The following PPCS variants were observed in gnomAD, a reference collection of about 807,000 sequenced individuals.
PPCS encodes phosphopantothenate--cysteine ligase.
PPCS carries 17 observed loss-of-function variants against 24.6 expected under a neutral mutation model. That is an observed-to-expected ratio of 0.69 (90% CI 0.47 to 1.04). The LOEUF (loss-of-function observed/expected upper bound fraction) is 1.04. Ranked by LOEUF, PPCS falls within the 50% of genes least tolerant of loss-of-function variation. The pLI is 0.00. For missense variants in PPCS, 360 were observed against 402.8 expected, an observed-to-expected ratio of 0.89 and a Z score of 0.91; for synonymous variants, 190 against 168.3, an observed-to-expected ratio of 1.13 and a Z score of -1.00.
chr1:42,460,145 AAAAGAAGAGCTTATTG>A lies in PPCS; in HGVS notation c.*220_*235del. The A allele has an allele frequency of 7.8e-7, 1 of 1,278,864 alleles. No homozygotes were observed. 79.2% of individuals were successfully genotyped at this position (1,278,864 alleles called of 1,614,324 possible). A position where few individuals can be genotyped will look rare whatever the true frequency, so the allele number is the denominator to read the frequency against. ...ACACTAGAACTGTTAATCACCTTTA[AAAAGAAGAGCTTATTG>A]GGAATTATATATTCCTTAAAATATA... On this transcript the variant is annotated 3_prime_UTR_variant, in exon 3 of 3. Coordinates refer to ENST00000372561, the MANE Select transcript of PPCS (RefSeq NM_024664.4).
chr1:42,456,458 G>A, upstream of PPCS: 2 of 1,188,112 alleles, frequency 1.7e-6, no homozygotes, highest in Non-Finnish European at 1.1e-6. Context: ...CAAAAGAAGG[G>A]TAGTGAACCG....
chr1:42,469,807 G>GTC (rs1643708153), intron 2 of PPCS, among the ~76,000 whole-genome samples: 2 of 152,180 alleles, frequency 1.3e-5, no homozygotes, highest in African/African-American at 4.8e-5. Flanking sequence ...GGGAGACAAG[G>GTC]TCATTTGCCA....
intron 2 of PPCS, among the ~76,000 whole-genome samples, chr1:42,458,663 C>T (rs189807087): frequency 4.6e-4 from 70 of 152,246 alleles, no homozygotes; most frequent in Non-Finnish European, 7.5e-4. Context: ...TTTTTTAGGG[C>T]AAAGTCTGAT....
rs745779231 is a variant in PPCS at position 42,460,106 on chromosome 1, G to A, written c.*180G>A. On this transcript the variant is annotated 3_prime_UTR_variant, in exon 3 of 3. Coordinates refer to ENST00000372561, the MANE Select transcript of PPCS (RefSeq NM_024664.4). ...ATGACACCTGATATGATGTCATTTT[G>A]ATTTTGAAATTGAACACTAGAACTG... 24 of 1,359,388 alleles carry A rather than the reference G, an allele frequency of 1.8e-5. No homozygotes were observed. Among genetic ancestry groups the A allele is most frequent in the Non-Finnish European group, 2.1e-5 (22 of 1,060,766 alleles). 84.2% of individuals were successfully genotyped at this position (1,359,388 alleles called of 1,614,324 possible). A position where few individuals can be genotyped will look rare whatever the true frequency, so the allele number is the denominator to read the frequency against.
chr1:42,457,567 G>C (rs2148417412), intron 2 of PPCS: 2 of 579,614 alleles, frequency 3.5e-6, no homozygotes, highest in South Asian at 4.1e-5. Context: ...CTCTAGTGGA[G>C]GTATGTACAA....
intron 2 of PPCS, among the ~76,000 whole-genome samples, chr1:42,471,715 T>C (rs1197954727): frequency 6.6e-6 from 1 of 152,118 alleles, no homozygotes; most frequent in African/African-American, 2.4e-5. Context: ...TTTAGTTATA[T>C]GTCATGAAGA....
At chr1:42,462,746 T>TA (rs1272187595), downstream of PPCS, among the ~76,000 whole-genome samples, 1 of 151,908 alleles carries the variant, frequency 6.6e-6, no homozygotes, top group Non-Finnish European at 1.5e-5. Flanking sequence ...ACGTTCATCT[T>TA]ACCTGAATTT....
chr1:42,471,198 G>T (rs1039164604), intron 2 of PPCS, among the ~76,000 whole-genome samples: 2 of 152,106 alleles, frequency 1.3e-5, no homozygotes, highest in African/African-American at 4.8e-5. Flanking sequence ...CCTGAAGCCT[G>T]TACCGTCCTA....
intron 2 of PPCS, chr1:42,467,923 C>G (rs1360947784): frequency 6.6e-6 from 1 of 152,236 alleles, no homozygotes; most frequent in African/African-American, 2.4e-5. Flanking sequence ...TAGTTCTTTT[C>G]AGCCTTGCTG....
Position 42,456,903 on chromosome 1 carries a change from C to G in PPCS, c.338C>G (p.Ser113Trp), listed in dbSNP as rs1364205580. The stretch of plus-strand genomic sequence containing the variant: ...CTGCGGCCTTCGGGCCCAGCCCTTT[C>G]GGGCTTGCTGAGCCTGGAGGCCGAG... The part of the protein sequence containing the change: ...SALRPSGPAL[S>W]GLLSLEAEEN... Residue 113 changes from serine to tryptophan, a missense_variant, in exon 1 of 3, where the codon TCG becomes TGG. By Grantham distance (177) the Ser-to-Trp change is radical. Around this residue, in one of 2 missense-constraint regions of PPCS, gnomAD observed 244 missense variants for 234.7 expected, o/e 1.04. Transcript: ENST00000372561. 1.2e-6 allele frequency: 2 copies of G among 1,611,890 alleles called. No homozygotes were observed. Among genetic ancestry groups the G allele is most frequent in the Non-Finnish European group, 8.5e-7 (1 of 1,180,034 alleles).
intron 2 of PPCS, among the ~76,000 whole-genome samples, chr1:42,468,062 C>A (rs1469665117): frequency 6.6e-6 from 1 of 152,190 alleles, no homozygotes; most frequent in African/African-American, 2.4e-5. Context: ...TATCCAATTC[C>A]TGTGTAGCCA....
exon 3 of PPCS, chr1:42,473,236 A>G: frequency 2.4e-6 from 3 of 1,231,586 alleles, no homozygotes; most frequent in Non-Finnish European, 3.0e-6. Context: ...CACAGTGAAG[A>G]CAGGCTGAGG....
At chr1:42,467,088 A>G (rs887164995) in intron 2 of PPCS, among the ~76,000 whole-genome samples, 3 of 152,164 alleles carry the variant, frequency 2.0e-5, no homozygotes, top group African/African-American at 7.2e-5. Flanking sequence ...CATGATAGGG[A>G]CCAATAAGTA....
chr1:42,457,396 C>T (rs775799754), intron 2 of PPCS, 46 bp downstream of exon 2: 3 of 1,534,594 alleles, frequency 2.0e-6, no homozygotes, highest in Non-Finnish European at 2.7e-6. Flanking sequence ...TATAACCAAT[C>T]TTGGGTTAAT....
rs1643223115 is a variant in PPCS at position 42,456,991 on chromosome 1, C to T, written c.426C>T (p.Gly142=). 1 of 1,602,464 alleles carries T rather than the reference C, an allele frequency of 6.2e-7. No individual in the cohort carries two copies. Among genetic ancestry groups the T allele is most frequent in the South Asian group, 1.1e-5 (1 of 91,080 alleles). The change falls in exon 1 of 3, where the codon GGC becomes GGT. Residue 142 remains glycine (G), a synonymous_variant. Transcript: ENST00000372561. ...LRSYQEAAAA[G]TFLAVEFTTL... ...GCTACCAGGAGGCTGCGGCTGCAGG[C>T]ACCTTCCTGGCAGTAGAGTTCACCA...
At position 42,460,639 on chromosome 1, in the gene PPCS, G is replaced by A. The variant is rs2148422866; in HGVS notation, c.*713G>A. 6.6e-6 allele frequency among the ~76,000 whole-genome samples: 1 copy of A among 152,312 alleles called. No individual in the cohort carries two copies. Among genetic ancestry groups the A allele is most frequent in the South Asian group, 2.1e-4 (1 of 4,828 alleles). On this transcript the variant is annotated 3_prime_UTR_variant, in exon 3 of 3. Transcript: ENST00000372561. Reference sequence around the variant, plus strand: ...CCTGGGACCAGGCAGGGGCCACTTGGTGATCTCTGTCCTGAGGGATGCATT... The same window carrying A: ...CCTGGGACCAGGCAGGGGCCACTTGATGATCTCTGTCCTGAGGGATGCATT...
At chr1:42,465,000 T>C (rs374452218), downstream of PPCS, among the ~76,000 whole-genome samples, 8 of 152,338 alleles carry the variant, frequency 5.3e-5, no homozygotes, top group Non-Finnish European at 1.2e-4. Context: ...TGGAACTGGA[T>C]AAAACCTAAC....
At chr1:42,457,386 T>A in intron 2 of PPCS, 36 bp downstream of exon 2, 1 of 1,562,660 alleles carries the variant, frequency 6.4e-7, no homozygotes, top group Non-Finnish European at 8.8e-7. Context: ...TCTAATCCCA[T>A]ATAACCAATC....
At position 42,460,122 on chromosome 1, in the gene PPCS, A is replaced by G; in HGVS notation, c.*196A>G. 2 of 1,343,710 alleles carry G rather than the reference A, an allele frequency of 1.5e-6. No individual in the cohort carries two copies. The highest frequency in any genetic ancestry group is 1.9e-6 in the Non-Finnish European group (2 of 1,052,258). The allele number at this position is 1,343,710 out of a possible 1,614,324, so 83.2% of individuals were successfully genotyped here. ...TGTCATTTTGATTTTGAAATTGAAC[A>G]CTAGAACTGTTAATCACCTTTAAAA... On this transcript the variant is annotated 3_prime_UTR_variant, in exon 3 of 3. Coordinates refer to ENST00000372561, the MANE Select transcript of PPCS (RefSeq NM_024664.4).
Sources: gnomAD v4.1 joint callset for allele counts (sites outside exome capture counted in the v4.1 genomes callset) on GRCh38, gnomAD v4.1.1 for gene constraint, gnomAD v4.1.1 regional missense constraint, MANE v1.5 for transcripts, NCBI Gene and HGNC (gene_info 2026-07-23, HGNC 2026-07-21) for gene names.